Variants in ABCA12 observed in about 807,000 individuals in gnomAD.
ABCA12 encodes the protein ATP binding cassette subfamily A member 12.
Under a neutral mutation model 293.5 loss-of-function variants are expected in ABCA12, and 156 were observed. The observed-to-expected ratio is 0.53, with a 90% CI of 0.47 to 0.61. ABCA12 has a LOEUF of 0.61. ABCA12 is among the 20% of genes least tolerant of loss of function. ABCA12 has a pLI of 0.00. For missense variants in ABCA12, 2,797 were observed against 3,090.2 expected (o/e 0.91, Z 2.25); for synonymous variants, 1,063 against 1,108.0 (o/e 0.96, Z 0.81).
intron 4 of ABCA12, among the ~76,000 whole-genome samples, chr2:215,053,402 T>C (rs1405554253): frequency 6.6e-6 from 1 of 152,136 alleles, no homozygotes; most frequent in Non-Finnish European, 1.5e-5. Context: ...GGCTGAAGAA[T>C]TTGCCATCTG....
intron 19 of ABCA12, among the ~76,000 whole-genome samples, chr2:215,006,482 T>C (rs1333991428): frequency 4.6e-5 from 7 of 152,186 alleles, no homozygotes; most frequent in Admixed American, 3.3e-4. Flanking sequence ...TATTTAATCA[T>C]TTATGATAAA....
In ABCA12 at chr2:214,990,999, G is replaced by A. The variant is rs138558545; in HGVS notation, c.3327C>T (p.Ser1109=). ...YMKMMGVNSC[S]HFFAWLIESV... Reference sequence around the variant, plus strand: ...TCTCTATAAGCCAGGCAAAGAAATGGCTGCAGGAGTTCACACCCATCATCT... The same window carrying A: ...TCTCTATAAGCCAGGCAAAGAAATGACTGCAGGAGTTCACACCCATCATCT... Residue 1109 remains serine, a synonymous_variant, in exon 24 of 53, where the codon AGC becomes AGT. Transcript: ENST00000272895. 9.3e-6 allele frequency: 15 copies of A among 1,613,820 alleles called. No homozygotes were observed. The highest frequency in any genetic ancestry group is 1.3e-5 in the African/African-American group (1 of 74,922).
At chr2:214,981,770 T>TG (rs1346994343) in intron 30 of ABCA12, among the ~76,000 whole-genome samples, 3 of 141,012 alleles carry the variant, frequency 2.1e-5, no homozygotes, top group African/African-American at 7.9e-5. Flanking sequence ...GGTTTTTTTT[T>TG]TTTTTTTTTT....
Position 214,983,733 on chromosome 2 carries a change from G to A in ABCA12, c.4296C>T (p.Tyr1432=). Residue 1432 remains tyrosine (Y), a synonymous_variant, in exon 29 of 53, where the codon TAC becomes TAT. Coordinates refer to ENST00000272895, the MANE Select transcript of ABCA12 (RefSeq NM_173076.3). ...VCMQHDVLFS[Y]LTTKEHLLLY... ...GGAGAAGGTGCTCCTTAGTAGTGAG[G>A]TAACTGAACAAGACGTCGTGCTGCA... The A allele has an allele frequency of 6.2e-7, 1 of 1,614,070 alleles. No homozygotes were observed. Among genetic ancestry groups the A allele is most frequent in the Non-Finnish European group, 8.5e-7 (1 of 1,179,996 alleles).
At chr2:215,112,883 C>T (rs1447530888) in intron 1 of ABCA12, among the ~76,000 whole-genome samples, 1 of 152,140 alleles carries the variant, frequency 6.6e-6, no homozygotes, top group Non-Finnish European at 1.5e-5. Context: ...TTGAAAAACA[C>T]TAACTGCTTA....
intron 32 of ABCA12, 107 bp downstream of exon 32, chr2:214,978,697 T>G (rs1699578119): frequency 2.3e-6 from 3 of 1,294,716 alleles, no homozygotes; most frequent in South Asian, 1.3e-5. Flanking sequence ...GCTTTTCTAA[T>G]TTTGTGAACT....
rs567327463 is a variant in ABCA12, at chr2:215,015,485, C to A, written c.1956+5G>T. On this transcript the variant is annotated splice_donor_5th_base_variant and intron_variant, in intron 15 of 52. Transcript: ENST00000272895. ...TATAAACATATTTAACCAACAGCAA[C>A]TTGCCTTGTATGTGAAGTTGTAAAT... is the stretch of plus-strand genomic sequence containing the variant. The A allele has an allele frequency of 1.2e-6, 2 of 1,613,284 alleles. No individual in the cohort carries two copies. The highest frequency in any genetic ancestry group is 2.7e-5 in the African/African-American group (2 of 74,974).
At chr2:215,037,301 A>C (rs750906987) in intron 7 of ABCA12, among the ~76,000 whole-genome samples, 13 of 152,220 alleles carry the variant, frequency 8.5e-5, no homozygotes, top group Admixed American at 2.6e-4. Context: ...ATCAGGAATC[A>C]CCAGCCTTAA....
chr2:214,972,081 T>G (rs1339327564), intron 36 of ABCA12, among the ~76,000 whole-genome samples: 1 of 151,892 alleles, frequency 6.6e-6, no homozygotes, highest in Non-Finnish European at 1.5e-5. Context: ...ATTTTTCTGC[T>G]GTGTTATTTA....
At chr2:215,106,229 G>T (rs567709069) in intron 2 of ABCA12, among the ~76,000 whole-genome samples, 1 of 151,988 alleles carries the variant, frequency 6.6e-6, no homozygotes, top group East Asian at 1.9e-4. Flanking sequence ...CAATTCGGGC[G>T]CTGGAGTCAT....
chr2:215,135,122 C>A (rs569983573), intron 1 of ABCA12, among the ~76,000 whole-genome samples: 1 of 152,050 alleles, frequency 6.6e-6, no homozygotes, highest in African/African-American at 2.4e-5. Context: ...GCCATCCCAC[C>A]CAGCTAATTT....
At chr2:215,035,562 A>G (rs1422050314) in intron 8 of ABCA12, among the ~76,000 whole-genome samples, 1 of 149,156 alleles carries the variant, frequency 6.7e-6, no homozygotes, top group Non-Finnish European at 1.5e-5. Context: ...GCTACTCGGG[A>G]GGCTGAGGCA....
At chr2:215,119,220 C>G (rs1350568243) in intron 1 of ABCA12, among the ~76,000 whole-genome samples, 4 of 152,252 alleles carry the variant, frequency 2.6e-5, no homozygotes, top group Non-Finnish European at 5.9e-5. Flanking sequence ...ATCTGCCAGC[C>G]TTGGCCTCCC....
At chr2:215,013,767 G>A (rs1355685228) in intron 15 of ABCA12, among the ~76,000 whole-genome samples, 1 of 152,204 alleles carries the variant, frequency 6.6e-6, no homozygotes, top group African/African-American at 2.4e-5. Context: ...CATTGGCTGA[G>A]TTAATGGGTA....
intron 23 of ABCA12, among the ~76,000 whole-genome samples, chr2:214,997,486 A>G (rs1304134048): frequency 6.6e-6 from 1 of 152,200 alleles, no homozygotes; most frequent in African/African-American, 2.4e-5. Context: ...GTTTTTCAAA[A>G]GCACTTATTA....
At chr2:215,066,974 T>C (rs1019945376) in intron 2 of ABCA12, among the ~76,000 whole-genome samples, 1 of 152,144 alleles carries the variant, frequency 6.6e-6, no homozygotes, top group Non-Finnish European at 1.5e-5. Flanking sequence ...ATCTATAATA[T>C]ACTTTCTCAT....
intron 16 of ABCA12, 143 bp from the exon 17 acceptor site, chr2:215,011,792 T>G: frequency 8.7e-7 from 1 of 1,148,258 alleles, no homozygotes; most frequent in Non-Finnish European, 1.3e-6. Flanking sequence ...CAAATGTAAA[T>G]GAAGAACAAT....
Position 215,015,502 on chromosome 2 carries a change from G to A in ABCA12, c.1944C>T (p.Asn648=), listed in dbSNP as rs1327903500. Residue 648 remains asparagine (N), a synonymous_variant, in exon 15 of 53, where the codon AAC becomes AAT. Transcript: ENST00000272895. The stretch of plus-strand genomic sequence containing the variant: ...AACAGCAACTTGCCTTGTATGTGAA[G>A]TTGTAAATGTTTAAGTAGTGCAGAA... ...LTLLHYLNIY[N]FTYKVFFPRK... 6.2e-7 allele frequency: 1 copy of A among 1,614,100 alleles called. No individual in the cohort carries two copies.
chr2:215,085,244 C>A (rs1184737933), intron 2 of ABCA12, among the ~76,000 whole-genome samples: 1 of 152,118 alleles, frequency 6.6e-6, no homozygotes, highest in Non-Finnish European at 1.5e-5. Context: ...TCTTTTGATG[C>A]ACAAGACTTT....
Sources: gnomAD v4.1 joint callset for allele counts (sites outside exome capture counted in the v4.1 genomes callset) on GRCh38, gnomAD v4.1.1 for gene constraint, MANE v1.5 for transcripts, NCBI Gene and HGNC (gene_info 2026-07-23, HGNC 2026-07-21) for gene names.